Variants in EPS8L1 observed in about 807,000 individuals in gnomAD.
EPS8L1 encodes the protein EPS8 signaling adaptor L1.
A neutral mutation model predicts 91.7 loss-of-function variants in EPS8L1; 101 were observed. The ratio of observed to expected loss-of-function variants is 1.10; its 90% CI spans 0.94 to 1.30. The LOEUF is 1.30. EPS8L1 is among the 50% of genes most tolerant of loss of function. EPS8L1 has a pLI of 0.00. For missense variants in EPS8L1, 1,114 were observed against 1,017.0 expected, an observed-to-expected ratio of 1.10 and a Z score of -1.30; for synonymous variants, 506 against 445.3, an observed-to-expected ratio of 1.14 and a Z score of -1.72.
Position 55,081,125 on chromosome 19 carries a change from T to C in EPS8L1, c.513-106T>C. The C allele has an allele frequency of 7.4e-7, 1 of 1,348,038 alleles. No individual in the cohort carries two copies. Among genetic ancestry groups the C allele is most frequent in the Non-Finnish European group, 9.8e-7 (1 of 1,022,146 alleles). The allele number at this position is 1,348,038 out of a possible 1,614,324, so 83.5% of individuals were successfully genotyped here. ...TCCCTACCTCGTTGAACTTGTTCAC[T>C]CCCTTTGAGCCTTTTGAGCCTGTGT... is the stretch of plus-strand genomic sequence containing the variant. On this transcript the variant is annotated intron_variant, in intron 7 of 19. Transcript: ENST00000201647. The surrounding 1 kb of genome is among the most constrained non-coding windows in gnomAD (Gnocchi z 4.9).
chr19:55,086,756 C>T lies in EPS8L1; in HGVS notation c.1820C>T (p.Ala607Val), dbSNP rs756512777. The change falls in exon 18 of 20, where the codon GCG becomes GTG. Residue 607 changes from alanine to valine, a missense_variant. Physicochemically the swap from Ala to Val is moderately conservative, Grantham distance 64. Transcript: ENST00000201647. ...QMLIVNEELQARLAQGRSGPS... is the reference protein window; with the variant it reads ...QMLIVNEELQVRLAQGRSGPS... ...CTCATCGTCAACGAGGAACTGCAGG[C>T]GCGCCTGGCCCAGGGCCGCTCGGGA... is the stretch of plus-strand genomic sequence containing the variant. 10 of 1,610,540 alleles carry T rather than the reference C, an allele frequency of 6.2e-6. No homozygotes were observed. Among genetic ancestry groups the T allele is most frequent in the African/African-American group, 2.7e-5 (2 of 74,982 alleles).
Position 55,083,904 on chromosome 19 carries a change from G to A in EPS8L1, c.1385+260G>A. 1 of 626,516 alleles carries A rather than the reference G, an allele frequency of 1.6e-6. No homozygotes were observed. Among genetic ancestry groups the A allele is most frequent in the Non-Finnish European group, 2.8e-6 (1 of 353,558 alleles). The allele number at this position is 626,516 out of a possible 1,614,324, so 38.8% of individuals were successfully genotyped here. On this transcript the variant is annotated intron_variant, in intron 14 of 19. Transcript: ENST00000201647. The surrounding 1 kb of genome is among the most constrained non-coding windows in gnomAD (Gnocchi z 4.7). The stretch of plus-strand genomic sequence containing the variant: ...TTCCTGGGCCTAAGGGAGGAAGGGG[G>A]CTGGGAGTGGGTAAAGTCTGAGAGG...
intron 14 of EPS8L1, 74 bp from the exon 15 acceptor site, chr19:55,085,767 C>T: frequency 1.3e-6 from 2 of 1,535,652 alleles, no homozygotes; most frequent in Non-Finnish European, 1.8e-6. Flanking sequence ...AACCCCAGCT[C>T]ACACCAGCAC....
chr19:55,080,849 G>A lies in EPS8L1; in HGVS notation c.507G>A (p.Ala169=), dbSNP rs1440316512. The part of the protein sequence containing the change: ...RSGRGERRAA[A]LRATQEELQR... ...GCCGCGGGGAGCGCAGGGCGGCGGC[G>A]CTCAGGTGAGAGGGAAGAAGTTGGC... The change falls in exon 7 of 20, where the codon GCG becomes GCA. Residue 169 remains alanine, a synonymous_variant. Coordinates refer to ENST00000201647, the MANE Select transcript of EPS8L1 (RefSeq NM_133180.3). 2 of 1,607,818 alleles carry A rather than the reference G, an allele frequency of 1.2e-6. No homozygotes were observed. Among genetic ancestry groups the A allele is most frequent in the South Asian group, 2.2e-5 (2 of 90,244 alleles).
intron 18 of EPS8L1, 33 bp from the exon 19 acceptor site, chr19:55,087,270 C>G: frequency 6.4e-7 from 1 of 1,569,294 alleles, no homozygotes; most frequent in Non-Finnish European, 8.6e-7. Flanking sequence ...ATCCGCCGAC[C>G]GGCCTGACCG....
At chr19:55,086,302 G>C in intron 16 of EPS8L1, 90 bp from the exon 17 acceptor site, 2 of 1,610,618 alleles carry the variant, frequency 1.2e-6, no homozygotes, top group Non-Finnish European at 1.7e-6. Context: ...GGTGGTGACT[G>C]GGGGTTCAGA....
At chr19:55,086,635 G>GGGCCCCCC in intron 17 of EPS8L1, 79 bp from the exon 18 acceptor site, 3 of 1,307,712 alleles carry the variant, frequency 2.3e-6, no homozygotes, top group Non-Finnish European at 3.2e-6. Flanking sequence ...ACGCTGGAGC[G>GGGCCCCCC]CCCCCCCGCC....
At chr19:55,077,612 T>TG (rs1485682740) in intron 2 of EPS8L1, among the ~76,000 whole-genome samples, 2 of 108,142 alleles carry the variant, frequency 1.8e-5, no homozygotes, top group Non-Finnish European at 3.7e-5. Flanking sequence ...TTTTTTGAGA[T>TG]GGAGTCTCAC....
chr19:55,076,373 A>G lies in EPS8L1; in HGVS notation c.-37-35A>G, dbSNP rs561533023. ...GCTGGGGTAGGAATTAGAGGCTCCTACTGGCCAGGCCTTCACATGTTTGCT... is the reference window on the plus strand; with the variant it reads ...GCTGGGGTAGGAATTAGAGGCTCCTGCTGGCCAGGCCTTCACATGTTTGCT... On this transcript the variant is annotated intron_variant, in intron 1 of 19. Coordinates refer to ENST00000201647, the MANE Select transcript of EPS8L1 (RefSeq NM_133180.3). 4.7e-4 allele frequency: 742 copies of G among 1,586,378 alleles called. 8 individuals carry two copies. The South Asian group carries it at 7.8e-3, about 17-fold the overall frequency.
Position 55,083,896 on chromosome 19 carries a change from G to A in EPS8L1, c.1385+252G>A, listed in dbSNP as rs2076327138. ...GACCCGGATTCCTGGGCCTAAGGGA[G>A]GAAGGGGGCTGGGAGTGGGTAAAGT... is the stretch of plus-strand genomic sequence containing the variant. On this transcript the variant is annotated intron_variant, in intron 14 of 19. Transcript: ENST00000201647. The surrounding 1 kb of genome is among the most constrained non-coding windows in gnomAD (Gnocchi z 4.7). The A allele has an allele frequency of 1.6e-6, 1 of 640,034 alleles. No homozygotes were observed. Among genetic ancestry groups the A allele is most frequent in the Non-Finnish European group, 2.8e-6 (1 of 360,730 alleles). 39.6% of individuals were successfully genotyped at this position (640,034 alleles called of 1,614,324 possible). A position where few individuals can be genotyped will look rare whatever the true frequency, so the allele number is the denominator to read the frequency against.
At chr19:55,076,059 C>G (rs1391854709) in intron 1 of EPS8L1, 140 bp downstream of exon 1, 5,168 of 55,194 alleles carry the variant, frequency 0.094, 390 homozygotes, top group African/African-American at 0.11. Flanking sequence ...GGGAGGAGGG[C>G]CTGGGGTCCT....
At chr19:55,086,344 C>T (rs1339761681) in intron 16 of EPS8L1, 48 bp from the exon 17 acceptor site, 4 of 1,601,576 alleles carry the variant, frequency 2.5e-6, no homozygotes, top group Admixed American at 1.7e-5. Flanking sequence ...GAGGCTGGGA[C>T]TCTGAGTCCT....
rs750926975 is a variant in EPS8L1, at chr19:55,083,627, C to T, written c.1368C>T (p.Pro456=). 6.9e-6 allele frequency: 11 copies of T among 1,595,702 alleles called. No homozygotes were observed. The highest frequency in any genetic ancestry group is 9.4e-6 in the Non-Finnish European group (11 of 1,171,800). ...CTTACTTCCTACAGCAAAGCGCCCC[C>T]CAGGTCGCTGTCAATGGGTGAGTGT... is the stretch of plus-strand genomic sequence containing the variant. ...HERRRRQQSA[P]QVAVNGHRDL... The change falls in exon 14 of 20, where the codon CCC becomes CCT. Residue 456 remains proline, a synonymous_variant. Transcript: ENST00000201647. This position sits in a 1 kb window ranked among gnomAD's most constrained non-coding sequence, Gnocchi z 4.7.
intron 17 of EPS8L1, 31 bp downstream of exon 17, chr19:55,086,549 C>G (rs1441677130): frequency 6.5e-7 from 1 of 1,545,868 alleles, no homozygotes; most frequent in East Asian, 2.5e-5. Flanking sequence ...CTGCGGGGAG[C>G]GGTCCTTATC....
Position 55,086,396 on chromosome 19 carries a change from G to A in EPS8L1, c.1655G>A (p.Ser552Asn). 6.3e-7 allele frequency: 1 copy of A among 1,577,930 alleles called. No homozygotes were observed. The highest frequency in any genetic ancestry group is 1.8e-5 in the Admixed American group (1 of 54,188). Reference sequence around the variant, plus strand: ...CTCTCCTCTCCTTCCTTTCAGAACAGCACTCCTCCTCCACCACCAGCCCCA... The same window carrying A: ...CTCTCCTCTCCTTCCTTTCAGAACAACACTCCTCCTCCACCACCAGCCCCA... The part of the protein sequence containing the change: ...HSQSPARSLN[S>N]TPPPPPAPAP... The change falls in exon 17 of 20, where the codon AGC becomes AAC. Residue 552 changes from serine (S) to asparagine (N), a missense_variant. By Grantham distance (46) the Ser-to-Asn change is conservative. Coordinates refer to ENST00000201647, the MANE Select transcript of EPS8L1 (RefSeq NM_133180.3).
chr19:55,083,749 C>T lies in EPS8L1; in HGVS notation c.1385+105C>T, dbSNP rs1386166983. ...TTTTTTTCTGTGTTTTTCCTTCTGT[C>T]TTCCTGGCTCTTCTCAGGTGGGTGA... is the stretch of plus-strand genomic sequence containing the variant. On this transcript the variant is annotated intron_variant, in intron 14 of 19. Coordinates refer to ENST00000201647, the MANE Select transcript of EPS8L1 (RefSeq NM_133180.3). This position sits in a 1 kb window ranked among gnomAD's most constrained non-coding sequence, Gnocchi z 4.7. The T allele has an allele frequency of 3.1e-6, 4 of 1,270,860 alleles. No individual in the cohort carries two copies. The highest frequency in any genetic ancestry group is 1.2e-5 in the South Asian group (1 of 80,552). 78.7% of individuals were successfully genotyped at this position (1,270,860 alleles called of 1,614,324 possible).
In EPS8L1 at chr19:55,086,814, G is replaced by A. The variant is rs575506615; in HGVS notation, c.1878G>A (p.Pro626=). 28 of 1,584,960 alleles carry A rather than the reference G, an allele frequency of 1.8e-5. No homozygotes were observed. The South Asian group carries it at 2.3e-4, about 13-fold the overall frequency. ...GCGCAGTCCCAGGGCCCCGCGCCCCGGAACCGCAGCTCAGCCCGGGCTCGG... is the reference window on the plus strand; with the variant it reads ...GCGCAGTCCCAGGGCCCCGCGCCCCAGAACCGCAGCTCAGCCCGGGCTCGG... ...PSRAVPGPRA[P]EPQLSPGSDA... Residue 626 remains proline (P), a synonymous_variant, in exon 18 of 20, where the codon CCG becomes CCA. Coordinates refer to ENST00000201647, the MANE Select transcript of EPS8L1 (RefSeq NM_133180.3).
chr19:55,083,510 G>A lies in EPS8L1; in HGVS notation c.1347G>A (p.Arg449=), dbSNP rs759316864. 3 of 1,610,164 alleles carry A rather than the reference G, an allele frequency of 1.9e-6. No homozygotes were observed. The Admixed American group carries it at 5.0e-5, about 27-fold the overall frequency. ...AGAAACAGCTACAGCACGAGCGGAG[G>A]CGCCGGCAGGTGACCCAAGCGACAC... The part of the protein sequence containing the change: ...PVEKQLQHER[R]RRQQSAPQVA... Residue 449 remains arginine, a synonymous_variant, in exon 13 of 20, where the codon AGG becomes AGA. Coordinates refer to ENST00000201647, the MANE Select transcript of EPS8L1 (RefSeq NM_133180.3). The surrounding 1 kb of genome is among the most constrained non-coding windows in gnomAD (Gnocchi z 4.7).
intron 9 of EPS8L1, 68 bp from the exon 10 acceptor site, chr19:55,082,024 T>G: frequency 1.9e-6 from 3 of 1,550,694 alleles, no homozygotes; most frequent in Middle Eastern, 1.7e-4. Flanking sequence ...TAACCGGGTG[T>G]CCACCTCTCT....
Sources: allele counts gnomAD v4.1 joint callset (sites outside exome capture counted in the v4.1 genomes callset), GRCh38; gene constraint gnomAD v4.1.1; non-coding constraint Gnocchi (gnomAD v3.1); transcripts MANE v1.5; gene names NCBI Gene and HGNC (gene_info 2026-07-23, HGNC 2026-07-21).